DNAH11: variants seen among roughly 807,000 people sequenced by gnomAD.
DNAH11 encodes the protein dynein axonemal heavy chain 11.
A neutral mutation model predicts 526.0 loss-of-function variants in DNAH11; 442 were observed. The ratio of observed to expected loss-of-function variants is 0.84; its 90% CI spans 0.78 to 0.91. The LOEUF is 0.91. DNAH11 is among the 40% of genes least tolerant of loss of function. The probability of loss-of-function intolerance (pLI) is 0.00; values close to 1 mark genes in which losing one functional copy is unlikely to be tolerated. For synonymous variants in DNAH11, 2,461 were observed against 1,935.9 expected (o/e 1.27, Z -7.12); for missense variants, 6,989 against 5,448.7 (o/e 1.28, Z -8.90).
intron 54 of DNAH11, among the ~76,000 whole-genome samples, chr7:21,758,693 C>T (rs1786747706): frequency 6.6e-6 from 1 of 152,200 alleles, no homozygotes; most frequent in Non-Finnish European, 1.5e-5. Context: ...AGAAGTCTTT[C>T]CATTATTTTA....
intron 73 of DNAH11, among the ~76,000 whole-genome samples, chr7:21,871,304 A>G (rs189074131): frequency 6.6e-6 from 1 of 152,210 alleles, no homozygotes; most frequent in South Asian, 2.1e-4. Context: ...ATGCATTTCC[A>G]AGACATATAG....
chr7:21,570,528 A>G (rs1419072680), intron 7 of DNAH11: 3 of 386,954 alleles, frequency 7.8e-6, no homozygotes, highest in Middle Eastern at 6.7e-4. Context: ...TATTACATTG[A>G]GTATAAGTAA....
chr7:21,647,599 T>TC (rs1787421149), intron 28 of DNAH11, among the ~76,000 whole-genome samples: 1 of 151,810 alleles, frequency 6.6e-6, no homozygotes, highest in Non-Finnish European at 1.5e-5. Flanking sequence ...CTGGCTAATT[T>TC]TTTTTGTATT....
rs1583590237 is a variant in DNAH11, at chr7:21,682,451, A to G, written c.5460+774A>G. ...TGAGGCGGGAGAATGGTGTGAACCC[A>G]GGAGGCAGAGGTTGCAGTGAGCCGA... On this transcript the variant is annotated intron_variant, in intron 31 of 81. Transcript: ENST00000409508. 8.7e-5 allele frequency among the ~76,000 whole-genome samples: 13 copies of G among 150,268 alleles called. No individual in the cohort carries two copies. In the South Asian group the frequency reaches 2.6e-3, roughly 30 times the overall value.
At chr7:21,827,448 A>C (rs983838399) in intron 65 of DNAH11, among the ~76,000 whole-genome samples, 1 of 151,558 alleles carries the variant, frequency 6.6e-6, no homozygotes, top group Admixed American at 6.6e-5. Flanking sequence ...AAATATTATT[A>C]TAATTTTTGA....
chr7:21,572,051 T>C (rs1275570886), intron 8 of DNAH11, 78 bp downstream of exon 8: 2 of 1,248,554 alleles, frequency 1.6e-6, no homozygotes, highest in Admixed American at 3.4e-5. Context: ...GTCACAGTGA[T>C]AATAGGGACC....
intron 54 of DNAH11, among the ~76,000 whole-genome samples, chr7:21,759,896 C>G (rs1368991585): frequency 6.6e-6 from 1 of 152,190 alleles, no homozygotes; most frequent in Non-Finnish European, 1.5e-5. Context: ...ATAGAAAATT[C>G]TATGGTATGA....
chr7:21,732,447 G>A (rs1426350985), intron 45 of DNAH11, among the ~76,000 whole-genome samples: 1 of 152,096 alleles, frequency 6.6e-6, no homozygotes, highest in East Asian at 1.9e-4. Context: ...AGGGCTTCAC[G>A]ACATGAATGT....
chr7:21,728,404 A>T (rs2965376), intron 45 of DNAH11, among the ~76,000 whole-genome samples: 1 of 150,858 alleles, frequency 6.6e-6, no homozygotes, highest in South Asian at 2.1e-4. Context: ...ACTACAGGCA[A>T]CCCACCACCA....
At chr7:21,866,735 G>T in intron 71 of DNAH11, 72 bp downstream of exon 71, 1 of 1,450,136 alleles carries the variant, frequency 6.9e-7, no homozygotes. Flanking sequence ...GAGTTAGGAG[G>T]ATCTGGTGGA....
Position 21,797,856 on chromosome 7 carries a change from C to A in DNAH11, c.10027-3281C>A, listed in dbSNP as rs141487402. 3.7e-3 allele frequency among the ~76,000 whole-genome samples: 567 copies of A among 152,242 alleles called. 2 individuals carry two copies. Among genetic ancestry groups the A allele is most frequent in the African/African-American group, 0.013 (530 of 41,550 alleles). On this transcript the variant is annotated intron_variant, in intron 61 of 81. Transcript: ENST00000409508. ...AAAAGGAACCAAAGTGAATTTGTAT[C>A]CCATTTGAAATAAACTCCAGTGATA...
chr7:21,863,080 GAA>G (rs1392768713), intron 69 of DNAH11, among the ~76,000 whole-genome samples: 11 of 39,012 alleles, frequency 2.8e-4, no homozygotes, highest in African/African-American at 1.0e-3. Context: ...AAAAAAAAAA[GAA>G]AAAGAAAAGA....
intron 30 of DNAH11, among the ~76,000 whole-genome samples, chr7:21,662,797 T>G (rs1426607467): frequency 6.6e-6 from 1 of 152,136 alleles, no homozygotes; most frequent in Non-Finnish European, 1.5e-5. Context: ...TTTTGCTGTT[T>G]ATGTAAATTG....
At position 21,674,028 on chromosome 7, in the gene DNAH11, T is replaced by TTGTGTGTG. The variant is rs59263134; in HGVS notation, c.5329-7491_5329-7484dup. Among the ~76,000 whole-genome samples, 219 of 137,364 alleles carry TTGTGTGTG rather than the reference T, an allele frequency of 1.6e-3. 1 individual carries two copies. The highest frequency in any genetic ancestry group is 5.1e-3 in the African/African-American group (195 of 38,072). 90.1% of individuals were successfully genotyped at this position (137,364 alleles called of 152,430 possible). ...CCTTATGGCTCTATTCTGTTTTGTT[T>TTGTGTGTG]TGTGTGTGTGTGTGTGTGTGTGTGT... On this transcript the variant is annotated intron_variant, in intron 30 of 81. Transcript: ENST00000409508.
chr7:21,554,808 A>T (rs1469656204), intron 2 of DNAH11, among the ~76,000 whole-genome samples: 1 of 152,326 alleles, frequency 6.6e-6, no homozygotes, highest in East Asian at 1.9e-4. Flanking sequence ...AGCTTCCCTA[A>T]GAGGGAATAT....
chr7:21,789,206 C>T, intron 60 of DNAH11, 35 bp from the exon 61 acceptor site: 2 of 1,416,854 alleles, frequency 1.4e-6, no homozygotes, highest in Non-Finnish European at 2.0e-6. Flanking sequence ...GATTACTTAT[C>T]CTCTTTGTAT....
At chr7:21,626,876 A>G (rs1035025401) in intron 25 of DNAH11, among the ~76,000 whole-genome samples, 1 of 149,250 alleles carries the variant, frequency 6.7e-6, no homozygotes, top group Non-Finnish European at 1.5e-5. Flanking sequence ...TCAGCCTCCC[A>G]AGTAGCTGGG....
intron 25 of DNAH11, among the ~76,000 whole-genome samples, chr7:21,632,106 C>T (rs1399411116): frequency 1.3e-5 from 2 of 152,194 alleles, no homozygotes; most frequent in Non-Finnish European, 2.9e-5. Context: ...GGTTTGCATC[C>T]TCTGAAGCCA....
chr7:21,868,971 G>A lies in DNAH11; in HGVS notation c.11947G>A (p.Gly3983Arg). ...GGCCCTGGAGAAAGCTTCCAAAGGA[G>A]GACACTGGGTCATCCTCCAAGTGAG... ...EVALEKASKG[G>R]HWVILQNVHL... Residue 3983 changes from glycine to arginine, a missense_variant, in exon 73 of 82, where the codon GGA becomes AGA. Coordinates refer to ENST00000409508, the MANE Select transcript of DNAH11 (RefSeq NM_001277115.2). The A allele has an allele frequency of 6.2e-7, 1 of 1,614,006 alleles. No individual in the cohort carries two copies. Among genetic ancestry groups the A allele is most frequent in the Non-Finnish European group, 8.5e-7 (1 of 1,179,880 alleles).
Sources: gnomAD v4.1 joint callset for allele counts (sites outside exome capture counted in the v4.1 genomes callset) on GRCh38, gnomAD v4.1.1 for gene constraint, MANE v1.5 for transcripts, NCBI Gene and HGNC (gene_info 2026-07-23, HGNC 2026-07-21) for gene names.